BICRA: variants seen among roughly 807,000 people sequenced by gnomAD.
BICRA encodes BRD4 interacting chromatin remodeling complex associated protein.
Under a neutral mutation model 96.9 loss-of-function variants are expected in BICRA, and 31 were observed. The ratio of observed to expected loss-of-function variants is 0.32; its 90% CI spans 0.24 to 0.43. The LOEUF is 0.43. Among genes scored for constraint, BICRA ranks in the 20% least tolerant of loss-of-function variants. The pLI, the probability that BICRA is intolerant of heterozygous loss-of-function variation, is 1.00. For synonymous variants in BICRA, 1,350 were observed against 1,071.8 expected (o/e 1.26, Z -5.07); for missense variants, 2,283 against 2,190.3 (o/e 1.04, Z -0.84).
At position 47,698,195 on chromosome 19, in the gene BICRA, G is replaced by C. The variant is rs999673200; in HGVS notation, c.3249-439G>C. On this transcript the variant is annotated intron_variant, in intron 11 of 14. Transcript: ENST00000594866. This position sits in a 1 kb window ranked among gnomAD's most constrained non-coding sequence, Gnocchi z 4.8. ...AACAGACAAAACCCATTGTAACATGGGCTACAAAAGCGGCCCGTGAGAAGA... is the reference window on the plus strand; with the variant it reads ...AACAGACAAAACCCATTGTAACATGCGCTACAAAAGCGGCCCGTGAGAAGA... Among the ~76,000 whole-genome samples, 7 of 152,258 alleles carry C rather than the reference G, an allele frequency of 4.6e-5. No homozygotes were observed. Among genetic ancestry groups the C allele is most frequent in the African/African-American group, 1.7e-4 (7 of 41,542 alleles).
chr19:47,698,375 A>G lies in BICRA; in HGVS notation c.3249-259A>G, dbSNP rs1184278276. Among the ~76,000 whole-genome samples, 1 of 152,076 alleles carries G rather than the reference A, an allele frequency of 6.6e-6. No homozygotes were observed. The highest frequency in any genetic ancestry group is 1.5e-5 in the Non-Finnish European group (1 of 68,004). On this transcript the variant is annotated intron_variant, in intron 11 of 14. Coordinates refer to ENST00000594866, the MANE Select transcript of BICRA (RefSeq NM_001394372.1). This position sits in a 1 kb window ranked among gnomAD's most constrained non-coding sequence, Gnocchi z 4.8. Reference sequence around the variant, plus strand: ...TCTTCCTCCCTTACGTGCTTTGGAGAGGAGTGACTTCACTTCCTCGACCTC... The same window carrying G: ...TCTTCCTCCCTTACGTGCTTTGGAGGGGAGTGACTTCACTTCCTCGACCTC...
intron 1 of BICRA, among the ~76,000 whole-genome samples, chr19:47,643,079 C>A (rs1047896701): frequency 1.3e-5 from 2 of 152,230 alleles, no homozygotes; most frequent in Non-Finnish European, 2.9e-5. Flanking sequence ...AAGTGATTCT[C>A]CTGCCTCAGC....
chr19:47,627,987 C>T (rs1364839659), intron 1 of BICRA, among the ~76,000 whole-genome samples: 4 of 152,104 alleles, frequency 2.6e-5, no homozygotes, highest in African/African-American at 9.7e-5. Context: ...CCAGGCTGGT[C>T]TCGAACCCCT....
chr19:47,695,343 C>CCCA (rs1568577654), intron 9 of BICRA, 22 bp from the exon 10 acceptor site: 18 of 630,236 alleles, frequency 2.9e-5, no homozygotes, highest in South Asian at 9.8e-5. Flanking sequence ...GGCCCTGTCT[C>CCCA]CCCCACCCCA....
rs758132493 is a variant in BICRA, at chr19:47,611,964, A to G, written c.-108+2796A>G. Among the ~76,000 whole-genome samples, 4 of 150,948 alleles carry G rather than the reference A, an allele frequency of 2.6e-5. No individual in the cohort carries two copies. In the Admixed American group the frequency reaches 2.7e-4, roughly 10 times the overall value. On this transcript the variant is annotated intron_variant, in intron 1 of 14. Transcript: ENST00000594866. ...TGGTTCACTGCAACCTCTGCCTCCC[A>G]GGTTCAAGCGATTGTCCTGCCTCAG...
intron 1 of BICRA, among the ~76,000 whole-genome samples, chr19:47,637,620 C>T (rs963577782): frequency 1.3e-5 from 2 of 152,130 alleles, no homozygotes; most frequent in African/African-American, 4.8e-5. Context: ...AGTTGTGCAA[C>T]GGTCATCTCT....
chr19:47,661,782 T>G (rs1972709123), intron 1 of BICRA: 1 of 152,264 alleles, frequency 6.6e-6, no homozygotes, highest in African/African-American at 2.4e-5. Flanking sequence ...GGGGTCAAAC[T>G]TGGTTCCTAA....
At position 47,698,920 on chromosome 19, in the gene BICRA, C is replaced by A; in HGVS notation, c.3398-45C>A. 6.9e-7 allele frequency: 1 copy of A among 1,456,566 alleles called. No individual in the cohort carries two copies. The highest frequency in any genetic ancestry group is 9.4e-7 in the Non-Finnish European group (1 of 1,058,638). 90.2% of individuals were successfully genotyped at this position (1,456,566 alleles called of 1,614,324 possible). On this transcript the variant is annotated intron_variant, in intron 12 of 14. Coordinates refer to ENST00000594866, the MANE Select transcript of BICRA (RefSeq NM_001394372.1). The surrounding 1 kb of genome is among the most constrained non-coding windows in gnomAD (Gnocchi z 4.8). Reference sequence around the variant, plus strand: ...CGCCCTCCTTCCTGCGCATCCGCGGCCGCCCCCAACATCTCCGCCCTTGCC... The same window carrying A: ...CGCCCTCCTTCCTGCGCATCCGCGGACGCCCCCAACATCTCCGCCCTTGCC...
intron 1 of BICRA, chr19:47,663,009 T>C (rs902393995): frequency 6.6e-6 from 1 of 152,232 alleles, no homozygotes; most frequent in African/African-American, 2.4e-5. Flanking sequence ...CAGGTTGTAT[T>C]TGTCTGCAAA....
chr19:47,681,652 A>G (rs1568571148), intron 6 of BICRA, among the ~76,000 whole-genome samples: 1 of 152,152 alleles, frequency 6.6e-6, no homozygotes, highest in African/African-American at 2.4e-5. Flanking sequence ...CCCGACGGAC[A>G]GAGAAGGGCA....
chr19:47,690,815 C>G (rs10411623), intron 7 of BICRA, among the ~76,000 whole-genome samples: 1 of 143,928 alleles, frequency 6.9e-6, no homozygotes, highest in Non-Finnish European at 1.5e-5. Context: ...TGTGTGTGTG[C>G]GCACTTTTGA....
At position 47,702,835 on chromosome 19, in the gene BICRA, T is replaced by G. The variant is rs1005911; in HGVS notation, c.*420T>G. On this transcript the variant is annotated 3_prime_UTR_variant, in exon 15 of 15. Coordinates refer to ENST00000594866, the MANE Select transcript of BICRA (RefSeq NM_001394372.1). ...AGGGTGCTGGGAGCTGGCAGGGTCC[T>G]TCCAGACAGTCTCAGCCTCTCCCCG... 50,998 of 196,000 alleles carry G rather than the reference T, an allele frequency of 0.26. 6,860 individuals are homozygous for G. The highest frequency in any genetic ancestry group is 0.34 in the East Asian group (1,915 of 5,688). The allele number at this position is 196,000 out of a possible 1,614,324, so 12.1% of individuals were successfully genotyped here.
chr19:47,620,667 C>CAA (rs10675281), intron 1 of BICRA, among the ~76,000 whole-genome samples: 9,833 of 67,228 alleles, frequency 0.15, 1,364 homozygotes, highest in African/African-American at 0.22. Flanking sequence ...GAGACTGTCT[C>CAA]AAAAAAAAAA....
rs1437752086 is a variant in BICRA at position 47,680,488 on chromosome 19, C to G, written c.1318C>G (p.Pro440Ala). Residue 440 changes from proline (P) to alanine (A), a missense_variant, in exon 6 of 15, where the codon CCC becomes GCC. Pro to Ala is a conservative substitution (Grantham distance 27). Transcript: ENST00000594866. ...CACCGGAGCGGCCCCGCCGCAGCCC[C>G]CCGGGGCCCTGAGCAAACCCATGAG... ...TTTGAAPPQPPGALSKPMSVH... is the reference protein window; with the variant it reads ...TTTGAAPPQPAGALSKPMSVH... The G allele has an allele frequency of 6.5e-7, 1 of 1,542,556 alleles. No homozygotes were observed. Among genetic ancestry groups the G allele is most frequent in the African/African-American group, 1.4e-5 (1 of 73,012 alleles).
chr19:47,660,431 A>C (rs2911001), intron 1 of BICRA, among the ~76,000 whole-genome samples: 71,074 of 151,992 alleles, frequency 0.47, 16,820 homozygotes, highest in Non-Finnish European at 0.49. Context: ...CCAAATAAGG[A>C]TGGCCACATC....
intron 1 of BICRA, among the ~76,000 whole-genome samples, chr19:47,620,413 TC>T (rs1268769176): frequency 6.6e-6 from 1 of 151,904 alleles, no homozygotes; most frequent in African/African-American, 2.4e-5. Context: ...ACACCTCTAA[TC>T]CCAGCACTTT....
At chr19:47,690,128 A>G (rs901009867) in intron 7 of BICRA, among the ~76,000 whole-genome samples, 4 of 151,936 alleles carry the variant, frequency 2.6e-5, no homozygotes, top group African/African-American at 9.7e-5. Flanking sequence ...CAGCCTCCCT[A>G]GTAGCTGGGA....
chr19:47,646,113 G>T (rs1188577932), intron 1 of BICRA, among the ~76,000 whole-genome samples: 2 of 151,906 alleles, frequency 1.3e-5, no homozygotes, highest in African/African-American at 2.4e-5. Flanking sequence ...AAAGAAAAAC[G>T]TAGAAAGAAA....
Position 47,699,054 on chromosome 19 carries a change from T to C in BICRA, c.3487T>C (p.Ser1163Pro). 6.4e-7 allele frequency: 1 copy of C among 1,562,210 alleles called. No individual in the cohort carries two copies. The highest frequency in any genetic ancestry group is 8.7e-7 in the Non-Finnish European group (1 of 1,152,296). The change falls in exon 13 of 15, where the codon TCC (serine) becomes CCC (proline). Residue 1163 changes from serine to proline, a missense_variant. Transcript: ENST00000594866. This position sits in a 1 kb window ranked among gnomAD's most constrained non-coding sequence, Gnocchi z 5.0. The part of the protein sequence containing the change: ...NKYRLLLLEE[S>P]RRVSPSAEMV... ...ATATCGGCTCCTGCTCCTGGAGGAGTCCCGGGTAGGGTCAGAGTCGCCTTC... is the reference window on the plus strand; with the variant it reads ...ATATCGGCTCCTGCTCCTGGAGGAGCCCCGGGTAGGGTCAGAGTCGCCTTC...
Sources: gnomAD v4.1 joint callset for allele counts (sites outside exome capture counted in the v4.1 genomes callset) on GRCh38, gnomAD v4.1.1 for gene constraint, Gnocchi (gnomAD v3.1) non-coding constraint, MANE v1.5 for transcripts, NCBI Gene and HGNC (gene_info 2026-07-23, HGNC 2026-07-21) for gene names.